MAST4: variants seen among roughly 807,000 people sequenced by gnomAD.
MAST4 encodes microtubule-associated serine/threonine-protein kinase 4.
In MAST4, 89 loss-of-function variants were observed where a neutral mutation model predicts 162.7. That is an observed-to-expected ratio of 0.55 (90% CI 0.46 to 0.65). The LOEUF (loss-of-function observed/expected upper bound fraction) is 0.65, where lower values mean the gene tolerates loss of function less well. MAST4 is among the 30% of genes least tolerant of loss of function. The pLI is 0.00. For synonymous variants in MAST4, 1,479 were observed against 1,361.1 expected (o/e 1.09, Z -1.91); for missense variants, 3,153 against 3,374.0 (o/e 0.93, Z 1.62).
rs147160259 is a variant in MAST4, at chr5:67,103,739, C to T, written c.1147-627C>T. On this transcript the variant is annotated intron_variant, in intron 9 of 28. Coordinates refer to ENST00000403625, the MANE Select transcript of MAST4 (RefSeq NM_001164664.2). ...GCTCCTGGCACATTAAAACCTAGCC[C>T]GAAAGATACATTTTTAGCTTAGGTT... 3.2e-3 allele frequency among the ~76,000 whole-genome samples: 486 copies of T among 152,214 alleles called. 2 individuals carry two copies. Among genetic ancestry groups the T allele is most frequent in the Non-Finnish European group, 5.4e-3 (364 of 68,000 alleles).
At chr5:67,076,871 T>G (rs1352787187) in intron 5 of MAST4, among the ~76,000 whole-genome samples, 1 of 152,172 alleles carries the variant, frequency 6.6e-6, no homozygotes, top group Non-Finnish European at 1.5e-5. Flanking sequence ...CACAGACTAG[T>G]TAGCAATACA....
At chr5:66,647,334 C>T (rs1347567922) in intron 1 of MAST4, among the ~76,000 whole-genome samples, 1 of 152,138 alleles carries the variant, frequency 6.6e-6, no homozygotes. Context: ...ATTCACCTCT[C>T]CTCCCATTCC....
chr5:66,943,858 A>C (rs569046062), intron 4 of MAST4, among the ~76,000 whole-genome samples: 1 of 152,210 alleles, frequency 6.6e-6, no homozygotes, highest in Admixed American at 6.5e-5. Flanking sequence ...TGATAAATGA[A>C]AGAAATTTCA....
At chr5:66,948,813 C>T (rs1158480288) in intron 4 of MAST4, among the ~76,000 whole-genome samples, 3 of 152,080 alleles carry the variant, frequency 2.0e-5, no homozygotes, top group Non-Finnish European at 4.4e-5. Context: ...AGCTAATTAG[C>T]TCTTTGCTTT....
rs373323126 is a variant in MAST4, at chr5:66,754,748, G to A, written c.364-4961G>A. Among the ~76,000 whole-genome samples the A allele has an allele frequency of 9.8e-5, 15 of 152,304 alleles. 1 individual carries two copies. In the East Asian group the frequency reaches 2.3e-3, roughly 24 times the overall value. On this transcript the variant is annotated intron_variant, in intron 1 of 28. Coordinates refer to ENST00000403625, the MANE Select transcript of MAST4 (RefSeq NM_001164664.2). ...GAAACAAGTACCAAAGATCTCATAT[G>A]TCATGTGGTGATAGATGCTCTGAAG...
Position 67,149,477 on chromosome 5 carries a change from A to G in MAST4, c.3183A>G (p.Glu1061=), listed in dbSNP as rs1771529926. ...ATAATTCCTCAAAGCCATCCAGTGAACCCGCTTCTCACATGGCTCGGCAGC... is the reference window on the plus strand; with the variant it reads ...ATAATTCCTCAAAGCCATCCAGTGAGCCCGCTTCTCACATGGCTCGGCAGC... ...STDNSSKPSS[E]PASHMARQRL... Residue 1061 remains glutamate, a synonymous_variant, in exon 24 of 29, where the codon GAA becomes GAG. Coordinates refer to ENST00000403625, the MANE Select transcript of MAST4 (RefSeq NM_001164664.2). 6.2e-7 allele frequency: 1 copy of G among 1,613,748 alleles called. No homozygotes were observed. The highest frequency in any genetic ancestry group is 8.5e-7 in the Non-Finnish European group (1 of 1,179,826).
At chr5:66,655,724 TCTA>T (rs1746502835) in intron 1 of MAST4, among the ~76,000 whole-genome samples, 1 of 152,182 alleles carries the variant, frequency 6.6e-6, no homozygotes, top group Non-Finnish European at 1.5e-5. Flanking sequence ...TTGTAATTAT[TCTA>T]CTCTTACTCA....
chr5:66,716,684 T>C (rs1474566845), intron 1 of MAST4, among the ~76,000 whole-genome samples: 1 of 152,142 alleles, frequency 6.6e-6, no homozygotes, highest in African/African-American at 2.4e-5. Flanking sequence ...TAAATTGTGT[T>C]AGAAGATATA....
intron 1 of MAST4, among the ~76,000 whole-genome samples, chr5:66,689,515 T>A (rs72761225): frequency 6.6e-6 from 1 of 152,314 alleles, no homozygotes; most frequent in Non-Finnish European, 1.5e-5. Flanking sequence ...TCTCTTACTT[T>A]CCTTCGTAAA....
chr5:67,018,160 A>G (rs1753541249), intron 4 of MAST4, among the ~76,000 whole-genome samples: 1 of 152,184 alleles, frequency 6.6e-6, no homozygotes, highest in African/African-American at 2.4e-5. Flanking sequence ...GATATTGTCA[A>G]GTGAAGTACC....
intron 1 of MAST4, among the ~76,000 whole-genome samples, chr5:66,716,420 A>G (rs1036538175): frequency 2.6e-5 from 4 of 152,078 alleles, no homozygotes; most frequent in Non-Finnish European, 5.9e-5. Flanking sequence ...TGATGCAATC[A>G]CACTTACTTT....
intron 1 of MAST4, among the ~76,000 whole-genome samples, chr5:66,754,160 T>A (rs1354579132): frequency 6.7e-6 from 1 of 149,594 alleles, no homozygotes. Flanking sequence ...CTCAAAATAA[T>A]AAGAGCTATC....
intron 2 of MAST4, among the ~76,000 whole-genome samples, chr5:66,782,818 A>G (rs370342272): frequency 3.9e-5 from 6 of 152,232 alleles, no homozygotes; most frequent in Admixed American, 3.9e-4. Flanking sequence ...GTGTAGCTGA[A>G]TAATGCCATT....
chr5:66,838,856 C>G (rs1580600522), intron 3 of MAST4, among the ~76,000 whole-genome samples: 1 of 152,122 alleles, frequency 6.6e-6, no homozygotes, highest in Admixed American at 6.5e-5. Flanking sequence ...ATGATGCTGT[C>G]TGTGTTCAGG....
chr5:67,165,192 A>G lies in MAST4; in HGVS notation c.6013A>G (p.Thr2005Ala). Residue 2005 changes from threonine to alanine, a missense_variant, in exon 29 of 29, where the codon ACT becomes GCT. This residue lies in a region of MAST4 where 1,644 missense variants were observed against 1,495.0 expected (regional missense o/e 1.10). Coordinates refer to ENST00000403625, the MANE Select transcript of MAST4 (RefSeq NM_001164664.2). Reference protein sequence around the residue: ...EPSMELCFPETAKTSDNSKNL... With the variant: ...EPSMELCFPEAAKTSDNSKNL... ...CTCCATGGAACTGTGCTTTCCAGAA[A>G]CTGCGAAAACCAGTGACAACTCCAA... The G allele has an allele frequency of 6.2e-7, 1 of 1,608,666 alleles. No homozygotes were observed. The highest frequency in any genetic ancestry group is 8.5e-7 in the Non-Finnish European group (1 of 1,177,472).
At chr5:66,899,490 G>A (rs1653979003) in intron 3 of MAST4, among the ~76,000 whole-genome samples, 1 of 152,172 alleles carries the variant, frequency 6.6e-6, no homozygotes, top group East Asian at 1.9e-4. Context: ...TATTTGGTAT[G>A]CATAATGTTT....
rs74953059 is a variant in MAST4, at chr5:66,839,986, C to T, written c.642+51192C>T. Among the ~76,000 whole-genome samples the T allele has an allele frequency of 6.1e-3, 919 of 151,728 alleles. 9 individuals carry two copies. The highest frequency in any genetic ancestry group is 0.021 in the African/African-American group (877 of 41,350). On this transcript the variant is annotated intron_variant, in intron 3 of 28. Transcript: ENST00000403625. ...GACAATTTTTTTTTTTAAACTGACG[C>T]GTTCTTGGGCAACAAATGAGAATAC...
intron 4 of MAST4, among the ~76,000 whole-genome samples, chr5:66,980,719 A>G (rs1027668740): frequency 1.3e-5 from 2 of 152,214 alleles, no homozygotes; most frequent in Non-Finnish European, 2.9e-5. Context: ...TAGGGCCAGA[A>G]CTCAGAGATA....
At chr5:66,622,985 C>T (rs886341381) in intron 1 of MAST4, 1 of 152,336 alleles carries the variant, frequency 6.6e-6, no homozygotes, top group African/African-American at 2.4e-5. Flanking sequence ...TCATAGCCTT[C>T]AGTCTGTTGC....
Sources: gnomAD v4.1 joint callset for allele counts (sites outside exome capture counted in the v4.1 genomes callset) on GRCh38, gnomAD v4.1.1 for gene constraint, gnomAD v4.1.1 regional missense constraint, MANE v1.5 for transcripts, NCBI Gene and HGNC (gene_info 2026-07-23, HGNC 2026-07-21) for gene names.